TMEM132D: variants seen among roughly 807,000 people sequenced by gnomAD.
The protein encoded by TMEM132D is transmembrane protein 132D, also known as mature OL transmembrane protein.
In TMEM132D, 21 loss-of-function variants were observed where a neutral mutation model predicts 62.3. The observed-to-expected ratio is 0.34, with a 90% CI of 0.24 to 0.49. The LOEUF (loss-of-function observed/expected upper bound fraction) is 0.49. TMEM132D is among the 20% of genes least tolerant of loss of function. TMEM132D has a pLI of 0.99. For synonymous variants in TMEM132D, 621 were observed against 575.6 expected (o/e 1.08, Z -1.13); for missense variants, 1,346 against 1,402.8 (o/e 0.96, Z 0.65).
intron 4 of TMEM132D, among the ~76,000 whole-genome samples, chr12:129,263,706 G>C (rs1246292573): frequency 6.6e-6 from 1 of 152,070 alleles, no homozygotes; most frequent in Non-Finnish European, 1.5e-5. Context: ...GGGATGTGTG[G>C]CTACTGAGGC....
intron 1 of TMEM132D, among the ~76,000 whole-genome samples, chr12:129,878,723 C>T (rs570957775): frequency 6.6e-6 from 1 of 152,118 alleles, no homozygotes; most frequent in Non-Finnish European, 1.5e-5. Flanking sequence ...ATTACAGGCA[C>T]CTGCCCAGCT....
chr12:129,763,793 A>G (rs1870461308), intron 1 of TMEM132D, among the ~76,000 whole-genome samples: 2 of 152,140 alleles, frequency 1.3e-5, no homozygotes, highest in South Asian at 4.1e-4. Context: ...CAGATGAAGC[A>G]AGTGTGCCCA....
intron 1 of TMEM132D, among the ~76,000 whole-genome samples, chr12:129,800,684 G>A (rs937445293): frequency 1.3e-5 from 2 of 152,096 alleles, no homozygotes; most frequent in Admixed American, 1.3e-4. Flanking sequence ...TGATTTGCCT[G>A]TTTAAAGTAA....
At chr12:129,834,593 C>G (rs536723589) in intron 1 of TMEM132D, among the ~76,000 whole-genome samples, 134 of 152,336 alleles carry the variant, frequency 8.8e-4, no homozygotes, top group African/African-American at 2.8e-3. Context: ...CCTTCCACCA[C>G]TCCTCGCTTC....
At chr12:129,432,849 G>T (rs1872698596) in intron 3 of TMEM132D, among the ~76,000 whole-genome samples, 1 of 152,144 alleles carries the variant, frequency 6.6e-6, no homozygotes, top group Non-Finnish European at 1.5e-5. Context: ...TCAGTGCAAG[G>T]TGAACAATGT....
At chr12:129,610,553 A>T (rs914031501) in intron 2 of TMEM132D, among the ~76,000 whole-genome samples, 10 of 152,150 alleles carry the variant, frequency 6.6e-5, no homozygotes, top group Non-Finnish European at 1.3e-4. Context: ...AGTCTGGCTC[A>T]TTCTCGTGGG....
At position 129,074,831 on chromosome 12, in the gene TMEM132D, G is replaced by A. The variant is rs768253141; in HGVS notation, c.2344C>T (p.Arg782Trp). 5.0e-6 allele frequency: 8 copies of A among 1,613,884 alleles called. No homozygotes were observed. The highest frequency in any genetic ancestry group is 1.3e-5 in the African/African-American group (1 of 74,934). ...VISESCQKSK[R>W]KSVLAVGTAN... The stretch of plus-strand genomic sequence containing the variant: ...GTTCCAACAGCTAACACACTCTTCC[G>A]CTTGGATTTCTGGCAGGATTCACTA... Residue 782 changes from arginine (R) to tryptophan (W), a missense_variant, in exon 9 of 9, where the codon CGG becomes TGG. Transcript: ENST00000422113.
chr12:129,670,924 T>C (rs1880486850), intron 2 of TMEM132D, among the ~76,000 whole-genome samples: 1 of 152,152 alleles, frequency 6.6e-6, no homozygotes, highest in African/African-American at 2.4e-5. Flanking sequence ...AGGATATACA[T>C]ATTTACATTC....
chr12:129,415,069 T>C (rs1160162590), intron 3 of TMEM132D, among the ~76,000 whole-genome samples: 2 of 152,220 alleles, frequency 1.3e-5, no homozygotes, highest in Non-Finnish European at 2.9e-5. Flanking sequence ...CATCCACTGA[T>C]GGGCACCTAA....
chr12:129,264,368 G>T (rs146432757), intron 4 of TMEM132D, among the ~76,000 whole-genome samples: 14 of 152,030 alleles, frequency 9.2e-5, no homozygotes, highest in African/African-American at 3.1e-4. Context: ...CAGCCTGGGC[G>T]ACAGAGCGAA....
At chr12:129,233,678 G>GT (rs1879706997) in intron 4 of TMEM132D, among the ~76,000 whole-genome samples, 1 of 151,996 alleles carries the variant, frequency 6.6e-6, no homozygotes, top group African/African-American at 2.4e-5. Flanking sequence ...CCAGGCTGGA[G>GT]TGTCATGGTG....
chr12:129,310,478 A>G (rs1311299858), intron 4 of TMEM132D, among the ~76,000 whole-genome samples: 6 of 152,122 alleles, frequency 3.9e-5, no homozygotes, highest in Non-Finnish European at 7.4e-5. Flanking sequence ...CAGAGAGAGA[A>G]CCGGAAAGGA....
chr12:129,388,865 CT>C, intron 3 of TMEM132D, among the ~76,000 whole-genome samples: 1 of 110,446 alleles, frequency 9.1e-6, no homozygotes. Context: ...CAATCCAGCA[CT>C]GATGATAATA....
At chr12:129,609,510 A>T (rs1482716659) in intron 2 of TMEM132D, among the ~76,000 whole-genome samples, 1 of 152,142 alleles carries the variant, frequency 6.6e-6, no homozygotes, top group Admixed American at 6.5e-5. Flanking sequence ...AATGCCTGGG[A>T]AGTCAATCCT....
intron 2 of TMEM132D, among the ~76,000 whole-genome samples, chr12:129,566,448 G>A (rs941314069): frequency 2.6e-5 from 4 of 152,038 alleles, no homozygotes; most frequent in African/African-American, 9.7e-5. Flanking sequence ...AGGGGGGTCA[G>A]ACGTGCCTCA....
chr12:129,520,647 T>TA (rs1245060583), intron 3 of TMEM132D, among the ~76,000 whole-genome samples: 1 of 152,234 alleles, frequency 6.6e-6, no homozygotes, highest in African/African-American at 2.4e-5. Context: ...TCACCATTTT[T>TA]ATACCTTAAG....
chr12:129,098,380 T>C lies in TMEM132D; in HGVS notation c.1444-13678A>G, dbSNP rs150125354. Among the ~76,000 whole-genome samples, 17 of 152,320 alleles carry C rather than the reference T, an allele frequency of 1.1e-4. No homozygotes were observed. The East Asian group carries it at 3.3e-3, about 29-fold the overall frequency. On this transcript the variant is annotated intron_variant, in intron 5 of 8. Transcript: ENST00000422113. ...GTAAGAATGATAGTGATGATGATGA[T>C]GAGATGATCACAGAGCTTGCATTCT...
chr12:129,780,164 G>A (rs1452961266), intron 1 of TMEM132D, among the ~76,000 whole-genome samples: 3 of 152,174 alleles, frequency 2.0e-5, no homozygotes, highest in Non-Finnish European at 2.9e-5. Context: ...AGCACCGGTC[G>A]CTTTTCTGCC....
intron 7 of TMEM132D, among the ~76,000 whole-genome samples, chr12:129,079,042 G>A (rs1439722620): frequency 1.3e-5 from 2 of 152,280 alleles, no homozygotes; most frequent in Non-Finnish European, 2.9e-5. Context: ...GTTTTCATTC[G>A]ACTATTAGCT....
Sources: allele counts gnomAD v4.1 joint callset (sites outside exome capture counted in the v4.1 genomes callset), GRCh38; gene constraint gnomAD v4.1.1; transcripts MANE v1.5; gene names NCBI Gene and HGNC (gene_info 2026-07-23, HGNC 2026-07-21).